RBM17: variants seen among roughly 807,000 people sequenced by gnomAD.
The protein encoded by RBM17 is splicing factor 45.
In RBM17, 7 loss-of-function variants were observed where a neutral mutation model predicts 53.2. That is an observed-to-expected ratio of 0.13 (90% CI 0.07 to 0.25). The LOEUF is 0.25. Ranked by LOEUF, RBM17 falls within the 10% of genes least tolerant of loss-of-function variation. RBM17 has a pLI of 1.00. For synonymous variants in RBM17, 167 were observed against 178.1 expected (o/e 0.94, Z 0.50); for missense variants, 257 against 496.7 (o/e 0.52, Z 4.59).
At chr10:6,110,497 G>T (rs1424411967) in intron 7 of RBM17, among the ~76,000 whole-genome samples, 2 of 152,174 alleles carry the variant, frequency 1.3e-5, no homozygotes, top group Non-Finnish European at 1.5e-5. Context: ...GATAAAGTGG[G>T]CCATTTGCTT....
Position 6,089,337 on chromosome 10 carries a change from G to A in RBM17, c.-19+144G>A, listed in dbSNP as rs373973076. ...CCGGGCCAGCGCAGCCGGAGCCTCC[G>A]AGGGTCTCAGTCCCCGCGGCGGGCG... On this transcript the variant is annotated intron_variant, in intron 1 of 11. Coordinates refer to ENST00000379888, the MANE Select transcript of RBM17 (RefSeq NM_032905.5). The surrounding 1 kb of genome is among the most constrained non-coding windows in gnomAD (Gnocchi z 5.6). 6.6e-6 allele frequency: 1 copy of A among 152,236 alleles called. No individual in the cohort carries two copies. Among genetic ancestry groups the A allele is most frequent in the Admixed American group, 6.5e-5 (1 of 15,278 alleles). The allele number at this position is 152,236 out of a possible 1,614,324, so 9.4% of individuals were successfully genotyped here. A position where few individuals can be genotyped will look rare whatever the true frequency, so the allele number is the denominator to read the frequency against.
At position 6,115,677 on chromosome 10, in the gene RBM17, C is replaced by G; in HGVS notation, c.*121C>G. Reference sequence around the variant, plus strand: ...CATACCAAGACTCTTGGAAGGACTTCTAAGATATATGTTGATTGATCCCTT... The same window carrying G: ...CATACCAAGACTCTTGGAAGGACTTGTAAGATATATGTTGATTGATCCCTT... On this transcript the variant is annotated 3_prime_UTR_variant, in exon 12 of 12. Transcript: ENST00000379888. 1.5e-6 allele frequency: 1 copy of G among 649,558 alleles called. No homozygotes were observed. Among genetic ancestry groups the G allele is most frequent in the Non-Finnish European group, 2.7e-6 (1 of 365,688 alleles). The allele number at this position is 649,558 out of a possible 1,614,324, so 40.2% of individuals were successfully genotyped here. A position where few individuals can be genotyped will look rare whatever the true frequency, so the allele number is the denominator to read the frequency against.
chr10:6,107,321 G>A (rs1270931038), intron 5 of RBM17, among the ~76,000 whole-genome samples: 1 of 151,860 alleles, frequency 6.6e-6, no homozygotes, highest in Non-Finnish European at 1.5e-5. Context: ...GGGATTACAG[G>A]TGTGCGCTAC....
rs1840438358 is a variant in RBM17 at position 6,089,204 on chromosome 10, C to T, written c.-19+11C>T. ...GGCCGGGCGGGCCGGGTAAGTGGCG[C>T]CCCGGCGGCCCCGGGTGGGTGGCCT... On this transcript the variant is annotated intron_variant, in intron 1 of 11. Coordinates refer to ENST00000379888, the MANE Select transcript of RBM17 (RefSeq NM_032905.5). This position sits in a 1 kb window ranked among gnomAD's most constrained non-coding sequence, Gnocchi z 5.6. 1 of 151,696 alleles carries T rather than the reference C, an allele frequency of 6.6e-6. No individual in the cohort carries two copies. Among genetic ancestry groups the T allele is most frequent in the African/African-American group, 2.4e-5 (1 of 41,358 alleles). The allele number at this position is 151,696 out of a possible 1,614,324, so 9.4% of individuals were successfully genotyped here.
Position 6,114,572 on chromosome 10 carries a change from A to T in RBM17, c.1029+425A>T, listed in dbSNP as rs1010696933. The T allele has an allele frequency of 2.5e-5, 4 of 162,302 alleles. No homozygotes were observed. In the East Asian group the frequency reaches 7.2e-4, roughly 29 times the overall value. 10.1% of individuals were successfully genotyped at this position (162,302 alleles called of 1,614,324 possible). On this transcript the variant is annotated intron_variant, in intron 10 of 11. Transcript: ENST00000379888. ...TTGAAGAAACACATAAAATAACTGA[A>T]AGATATTCAGTTACTAGACTAGGTA...
rs79516927 is a variant in RBM17, at chr10:6,112,527, T to C, written c.856+166T>C. ...TAGAACACAGGCCGTCCTGTTCATA[T>C]GATGCACTGCCACTTCCGTTTTGTG... On this transcript the variant is annotated intron_variant, in intron 8 of 11. Coordinates refer to ENST00000379888, the MANE Select transcript of RBM17 (RefSeq NM_032905.5). This position sits in a 1 kb window ranked among gnomAD's most constrained non-coding sequence, Gnocchi z 4.4. 6 of 746,672 alleles carry C rather than the reference T, an allele frequency of 8.0e-6. No individual in the cohort carries two copies. Among genetic ancestry groups the C allele is most frequent in the African/African-American group, 3.5e-5 (2 of 56,772 alleles). 46.3% of individuals were successfully genotyped at this position (746,672 alleles called of 1,614,324 possible).
intron 3 of RBM17, among the ~76,000 whole-genome samples, chr10:6,103,968 A>T (rs572463225): frequency 1.5e-4 from 23 of 152,132 alleles, no homozygotes; most frequent in African/African-American, 5.1e-4. Context: ...TGTGTGTTTT[A>T]AAAAAAATGG....
chr10:6,097,176 C>G lies in RBM17; in HGVS notation c.111C>G (p.Leu37=). The change falls in exon 2 of 12, where the codon CTC becomes CTG. Residue 37 remains leucine, a synonymous_variant. Transcript: ENST00000379888. The part of the protein sequence containing the change: ...QSQLQVKKAA[L]TQAKSQRTKQ... ...AGCTTCAGGTGAAGAAGGCAGCTCT[C>G]ACTCAGGCAAAGGTAAAGACAAGCC... The G allele has an allele frequency of 6.2e-7, 1 of 1,614,058 alleles. No individual in the cohort carries two copies. The highest frequency in any genetic ancestry group is 8.5e-7 in the Non-Finnish European group (1 of 1,179,954).
intron 6 of RBM17, among the ~76,000 whole-genome samples, 184 bp downstream of exon 6, chr10:6,108,926 C>G (rs1215906671): frequency 1.3e-5 from 2 of 152,178 alleles, no homozygotes; most frequent in Non-Finnish European, 2.9e-5. Flanking sequence ...AGAGAGAGAC[C>G]TTTCTACGCC....
intron 7 of RBM17, among the ~76,000 whole-genome samples, chr10:6,111,587 G>A (rs571977048): frequency 9.9e-5 from 15 of 152,284 alleles, no homozygotes; most frequent in South Asian, 4.1e-4. Context: ...TGATCCACCC[G>A]CCTCGGCTTC....
intron 1 of RBM17, among the ~76,000 whole-genome samples, chr10:6,090,721 C>T (rs947737144): frequency 6.6e-6 from 1 of 152,096 alleles, no homozygotes; most frequent in Non-Finnish European, 1.5e-5. Context: ...GAAGGAAGTT[C>T]TGTTATTCGC....
At chr10:6,107,479 CTTT>C (rs71390124) in intron 5 of RBM17, among the ~76,000 whole-genome samples, 46 of 56,602 alleles carry the variant, frequency 8.1e-4, no homozygotes, top group Middle Eastern at 0.059. Context: ...CACCCGGCCT[CTTT>C]TTTTTTTTTT....
rs71390120 is a variant in RBM17, at chr10:6,091,038, T to TA, written c.-19+1845_-19+1846insA. 2.2e-3 allele frequency among the ~76,000 whole-genome samples: 318 copies of TA among 143,290 alleles called. 2 individuals carry two copies. The highest frequency in any genetic ancestry group is 6.9e-3 in the African/African-American group (270 of 39,350). The allele number at this position is 143,290 out of a possible 152,430, so 94.0% of individuals were successfully genotyped here. On this transcript the variant is annotated intron_variant, in intron 1 of 11. Transcript: ENST00000379888. Reference sequence around the variant, plus strand: ...TTATATATTTATATATATTTATATATTTTTATATATATATTTATATACATA... The same window carrying TA: ...TTATATATTTATATATATTTATATATATTTTATATATATATTTATATACATA...
At chr10:6,107,476 C>A (rs1032256203) in intron 5 of RBM17, among the ~76,000 whole-genome samples, 1 of 38,698 alleles carries the variant, frequency 2.6e-5, no homozygotes, top group Non-Finnish European at 6.4e-5. Context: ...CTGCACCCGG[C>A]CTCTTTTTTT....
At chr10:6,110,255 A>C (rs1588350801) in intron 7 of RBM17, 128 bp downstream of exon 7, 5 of 689,302 alleles carry the variant, frequency 7.3e-6, no homozygotes. Context: ...GTCACACGGT[A>C]CCTGCCTCAA....
rs71390124 is a variant in RBM17, at chr10:6,107,479, C to CT, written c.506-1186dup. ...AGGTATGAGCCACTGCACCCGGCCT[C>CT]TTTTTTTTTTTTTTTTTTTTTGGAG... On this transcript the variant is annotated intron_variant, in intron 5 of 11. Transcript: ENST00000379888. 2.9e-3 allele frequency among the ~76,000 whole-genome samples: 162 copies of CT among 56,590 alleles called. 8 individuals carry two copies. Among genetic ancestry groups the CT allele is most frequent in the African/African-American group, 0.01 (155 of 15,054 alleles). The allele number at this position is 56,590 out of a possible 152,430, so 37.1% of individuals were successfully genotyped here.
At chr10:6,108,442 G>T in intron 5 of RBM17, 1 of 489,894 alleles carries the variant, frequency 2.0e-6, no homozygotes. Context: ...TACATTGTGG[G>T]GCTCTTGAGT....
intron 1 of RBM17, among the ~76,000 whole-genome samples, chr10:6,094,544 C>T (rs1457499669): frequency 6.6e-6 from 1 of 152,178 alleles, no homozygotes; most frequent in Non-Finnish European, 1.5e-5. Context: ...CTTTGGTTTG[C>T]TGACCAGTTG....
At chr10:6,093,672 G>A (rs184452747) in intron 1 of RBM17, among the ~76,000 whole-genome samples, 1 of 152,260 alleles carries the variant, frequency 6.6e-6, no homozygotes, top group East Asian at 1.9e-4. Context: ...AACACTTTCG[G>A]TAAAGTTCTC....
Sources: gnomAD v4.1 joint callset for allele counts (sites outside exome capture counted in the v4.1 genomes callset) on GRCh38, gnomAD v4.1.1 for gene constraint, Gnocchi (gnomAD v3.1) non-coding constraint, MANE v1.5 for transcripts, NCBI Gene and HGNC (gene_info 2026-07-23, HGNC 2026-07-21) for gene names.